MOB3B: variants seen among roughly 807,000 people sequenced by gnomAD.
MOB3B encodes the protein MOB kinase activator-like 2B.
Under a neutral mutation model 18.7 loss-of-function variants are expected in MOB3B, and 7 were observed. The observed-to-expected ratio is 0.37, with a 90% CI of 0.21 to 0.70. The LOEUF (loss-of-function observed/expected upper bound fraction) is 0.70. Among genes scored for constraint, MOB3B ranks in the 30% least tolerant of loss-of-function variants. The pLI, the probability that MOB3B is intolerant of heterozygous loss-of-function variation, is 0.52. For synonymous variants in MOB3B, 111 were observed against 99.9 expected (o/e 1.11, Z -0.66); for missense variants, 253 against 281.3 (o/e 0.90, Z 0.72).
intron 2 of MOB3B, among the ~76,000 whole-genome samples, chr9:27,376,936 C>G (rs1821497641): frequency 6.6e-6 from 1 of 152,306 alleles, no homozygotes; most frequent in South Asian, 2.1e-4. Context: ...AGTGGGAAGT[C>G]TGGCTGAAGA....
intron 2 of MOB3B, among the ~76,000 whole-genome samples, chr9:27,382,954 A>G (rs1287410824): frequency 6.6e-6 from 1 of 152,216 alleles, no homozygotes; most frequent in African/African-American, 2.4e-5. Context: ...AAAACTAACA[A>G]GCAAGAAGGT....
At chr9:27,341,483 T>C (rs1291945868) in intron 3 of MOB3B, among the ~76,000 whole-genome samples, 1 of 152,270 alleles carries the variant, frequency 6.6e-6, no homozygotes, top group Non-Finnish European at 1.5e-5. Flanking sequence ...AGGAAGTCTG[T>C]AGTTTCTAAG....
At chr9:27,521,686 GA>G (rs1384826502) in intron 1 of MOB3B, among the ~76,000 whole-genome samples, 2 of 151,256 alleles carry the variant, frequency 1.3e-5, no homozygotes, top group Non-Finnish European at 2.9e-5. Context: ...GCACTTTATA[GA>G]ATGTGTGTGT....
At chr9:27,348,719 G>A (rs1189751370) in intron 3 of MOB3B, among the ~76,000 whole-genome samples, 1 of 152,066 alleles carries the variant, frequency 6.6e-6, no homozygotes, top group Non-Finnish European at 1.5e-5. Context: ...GCTGGACTTA[G>A]TAACCTACTT....
intron 1 of MOB3B, among the ~76,000 whole-genome samples, chr9:27,515,384 C>G (rs1168657728): frequency 6.6e-6 from 1 of 152,090 alleles, no homozygotes; most frequent in African/African-American, 2.4e-5. Context: ...CTCAGACAGA[C>G]CTGGGCTGGA....
At chr9:27,490,682 C>T (rs1240491974) in intron 1 of MOB3B, among the ~76,000 whole-genome samples, 9 of 152,068 alleles carry the variant, frequency 5.9e-5, no homozygotes, top group African/African-American at 2.2e-4. Context: ...CTTGACTTGC[C>T]GTAAGGTCCT....
intron 2 of MOB3B, among the ~76,000 whole-genome samples, chr9:27,431,211 TA>T (rs1374520131): frequency 1.3e-5 from 2 of 152,120 alleles, no homozygotes; most frequent in African/African-American, 4.8e-5. Flanking sequence ...TAAAAATAAA[TA>T]AACCTCATGA....
At chr9:27,449,881 G>C (rs1181970346) in intron 2 of MOB3B, among the ~76,000 whole-genome samples, 1 of 151,408 alleles carries the variant, frequency 6.6e-6, no homozygotes, top group Non-Finnish European at 1.5e-5. Context: ...AGGGGACTGA[G>C]ACAGGAGAAT....
intron 2 of MOB3B, chr9:27,420,965 G>A (rs1384056420): frequency 1.4e-5 from 2 of 144,634 alleles, no homozygotes; most frequent in South Asian, 2.5e-4. Context: ...AGAAAGGTCA[G>A]TAACATCTTC....
intron 2 of MOB3B, among the ~76,000 whole-genome samples, chr9:27,365,840 G>A (rs1821335805): frequency 6.6e-6 from 1 of 152,174 alleles, no homozygotes; most frequent in South Asian, 2.1e-4. Context: ...CTTAGTTTCT[G>A]CAAACGGACC....
rs1318398521 is a variant in MOB3B, at chr9:27,408,710, C to A, written c.418+46423G>T. On this transcript the variant is annotated intron_variant, in intron 2 of 3. Coordinates refer to ENST00000262244, the MANE Select transcript of MOB3B (RefSeq NM_024761.5). Reference sequence around the variant, plus strand: ...GGTTGGGCTGATGGAGAACATAACTCCTGGTTCTCCTCTCCCGCCTCTGGC... The same window carrying A: ...GGTTGGGCTGATGGAGAACATAACTACTGGTTCTCCTCTCCCGCCTCTGGC... 2.0e-5 allele frequency among the ~76,000 whole-genome samples: 3 copies of A among 152,128 alleles called. No homozygotes were observed. In the South Asian group the frequency reaches 6.2e-4, roughly 32 times the overall value.
chr9:27,412,910 T>C (rs1435149795), intron 2 of MOB3B, among the ~76,000 whole-genome samples: 1 of 152,232 alleles, frequency 6.6e-6, no homozygotes, highest in Admixed American at 6.5e-5. Flanking sequence ...ACGTCACAGT[T>C]GATAGGAACA....
intron 2 of MOB3B, among the ~76,000 whole-genome samples, chr9:27,402,180 G>T (rs893805700): frequency 6.6e-6 from 1 of 152,142 alleles, no homozygotes; most frequent in African/African-American, 2.4e-5. Context: ...TGGCATATGA[G>T]GAATAGTCAA....
chr9:27,412,635 C>G (rs764322803), intron 2 of MOB3B, among the ~76,000 whole-genome samples: 1 of 152,096 alleles, frequency 6.6e-6, no homozygotes, highest in Non-Finnish European at 1.5e-5. Flanking sequence ...GAATTTACAG[C>G]CATACATAAA....
chr9:27,374,837 A>AAG (rs1408058060), intron 2 of MOB3B, among the ~76,000 whole-genome samples: 3 of 152,236 alleles, frequency 2.0e-5, no homozygotes. Flanking sequence ...CCATACATGG[A>AAG]AGATGCTGTA....
chr9:27,358,786 A>T (rs1821229354), intron 3 of MOB3B: 10 of 701,930 alleles, frequency 1.4e-5, no homozygotes, highest in South Asian at 1.4e-4. Context: ...ACTCCCTCTG[A>T]TCCAAACTAT....
At chr9:27,514,819 T>C (rs1820206161) in intron 1 of MOB3B, among the ~76,000 whole-genome samples, 1 of 152,220 alleles carries the variant, frequency 6.6e-6, no homozygotes, top group African/African-American at 2.4e-5. Context: ...TGCATGCCTG[T>C]TGGCAAGGAG....
At chr9:27,454,095 C>T (rs1044844780) in intron 2 of MOB3B, among the ~76,000 whole-genome samples, 1 of 152,194 alleles carries the variant, frequency 6.6e-6, no homozygotes. Flanking sequence ...TCAAGATGTA[C>T]ATACTGCGTC....
Position 27,497,011 on chromosome 9 carries a change from C to T in MOB3B, c.-199+32544G>A, listed in dbSNP as rs145147308. Among the ~76,000 whole-genome samples the T allele has an allele frequency of 7.0e-3, 1,071 of 152,302 alleles. 18 individuals carry two copies. Among genetic ancestry groups the T allele is most frequent in the African/African-American group, 0.024 (996 of 41,564 alleles). ...TTTTCAAAGTTGGCAGCATTCCATT[C>T]TCCTCTTCCTATATTCCAAGAAACT... On this transcript the variant is annotated intron_variant, in intron 1 of 3. Coordinates refer to ENST00000262244, the MANE Select transcript of MOB3B (RefSeq NM_024761.5).
Sources: allele counts gnomAD v4.1 joint callset (sites outside exome capture counted in the v4.1 genomes callset), GRCh38; gene constraint gnomAD v4.1.1; transcripts MANE v1.5; gene names NCBI Gene and HGNC (gene_info 2026-07-23, HGNC 2026-07-21).